Variants in RBM6 observed in about 807,000 individuals in gnomAD.
The protein encoded by RBM6 is RNA-binding protein 6.
A neutral mutation model predicts 140.4 loss-of-function variants in RBM6; 23 were observed. The observed-to-expected ratio is 0.16, with a 90% confidence interval of 0.12 to 0.23. The LOEUF (loss-of-function observed/expected upper bound fraction) is 0.23. RBM6 is among the 10% of genes least tolerant of loss of function. RBM6 has a pLI of 1.00. For synonymous variants in RBM6, 439 were observed against 475.6 expected (o/e 0.92, Z 1.00); for missense variants, 1,139 against 1,386.7 (o/e 0.82, Z 2.84).
chr3:50,058,315 T>C, intron 9 of RBM6, 87 bp from the exon 10 acceptor site: 1 of 1,419,258 alleles, frequency 7.0e-7, no homozygotes, highest in South Asian at 1.2e-5. Flanking sequence ...GCATCTATAG[T>C]AAAAAATGAC....
intron 2 of RBM6, among the ~76,000 whole-genome samples, chr3:49,966,082 T>C (rs758188549): frequency 6.0e-5 from 9 of 150,652 alleles, no homozygotes; most frequent in Non-Finnish European, 1.5e-5. Flanking sequence ...ACCGAGATCA[T>C]GCCATTGCAC....
chr3:50,020,491 T>C (rs1034872408), intron 6 of RBM6, among the ~76,000 whole-genome samples: 4 of 152,240 alleles, frequency 2.6e-5, no homozygotes, highest in African/African-American at 9.6e-5. Context: ...TTTTAATATA[T>C]GCATTCAGTG....
At chr3:49,944,411 G>A (rs2083402014) in intron 1 of RBM6, among the ~76,000 whole-genome samples, 1 of 150,856 alleles carries the variant, frequency 6.6e-6, no homozygotes, top group Non-Finnish European at 1.5e-5. Context: ...TGGACATTTG[G>A]GTTGTTTCCA....
chr3:50,006,412 A>T (rs1196834934), intron 6 of RBM6, among the ~76,000 whole-genome samples: 1 of 152,024 alleles, frequency 6.6e-6, no homozygotes, highest in Non-Finnish European at 1.5e-5. Context: ...CTGGGATTAC[A>T]CATGTGAGCC....
At chr3:50,008,424 G>A (rs978638689) in intron 6 of RBM6, among the ~76,000 whole-genome samples, 2 of 151,822 alleles carry the variant, frequency 1.3e-5, no homozygotes, top group South Asian at 4.2e-4. Flanking sequence ...CAAAGGCATA[G>A]TTCAGTTAGC....
Position 50,011,040 on chromosome 3 carries a change from C to G in RBM6, c.1557+11527C>G, listed in dbSNP as rs142643913. On this transcript the variant is annotated intron_variant, in intron 6 of 20. Coordinates refer to ENST00000266022, the MANE Select transcript of RBM6 (RefSeq NM_005777.3). Reference sequence around the variant, plus strand: ...CCAAAAAGATTGTCTATCAGTTTGTCAGGAAGTTAGAGTAAAATGGTCTTA... The same window carrying G: ...CCAAAAAGATTGTCTATCAGTTTGTGAGGAAGTTAGAGTAAAATGGTCTTA... Among the ~76,000 whole-genome samples the G allele has an allele frequency of 1.2e-4, 18 of 151,048 alleles. No homozygotes were observed. In the East Asian group the frequency reaches 2.3e-3, roughly 20 times the overall value.
At chr3:50,043,883 T>C (rs1410342649) in intron 6 of RBM6, among the ~76,000 whole-genome samples, 1 of 32,380 alleles carries the variant, frequency 3.1e-5, no homozygotes, top group African/African-American at 9.4e-5. Flanking sequence ...TGCCCAGCCT[T>C]TTTTTTTTTT....
chr3:50,054,332 C>A lies in RBM6; in HGVS notation c.1633-3C>A. 2 of 1,607,828 alleles carry A rather than the reference C, an allele frequency of 1.2e-6. No homozygotes were observed. Among genetic ancestry groups the A allele is most frequent in the Non-Finnish European group, 1.7e-6 (2 of 1,174,420 alleles). ...GTCAAATTGATTTCCTTCTTCCTTA[C>A]AGTGTAAGGCAAACATTGGTGGGCA... On this transcript the variant is annotated splice_region_variant and splice_polypyrimidine_tract_variant and intron_variant, in intron 7 of 20. Coordinates refer to ENST00000266022, the MANE Select transcript of RBM6 (RefSeq NM_005777.3).
chr3:49,989,957 C>T (rs1225708599), intron 5 of RBM6, among the ~76,000 whole-genome samples: 3 of 151,964 alleles, frequency 2.0e-5, no homozygotes, highest in Non-Finnish European at 2.9e-5. Context: ...ATGTTGGCCA[C>T]GCTGGTCTCG....
intron 6 of RBM6, among the ~76,000 whole-genome samples, chr3:50,011,837 T>G (rs2086863736): frequency 7.0e-6 from 1 of 143,594 alleles, no homozygotes; most frequent in African/African-American, 2.6e-5. Context: ...TTTCTTTTCT[T>G]TCTTTTTTTT....
chr3:49,958,294 G>A (rs1257435120), intron 1 of RBM6, among the ~76,000 whole-genome samples: 1 of 151,956 alleles, frequency 6.6e-6, no homozygotes, highest in African/African-American at 2.4e-5. Context: ...GGTGGCTCAC[G>A]CCTGTAATCC....
At chr3:50,069,507 CAAAAA>C (rs60210595) in intron 18 of RBM6, among the ~76,000 whole-genome samples, 1 of 107,434 alleles carries the variant, frequency 9.3e-6, no homozygotes, top group Non-Finnish European at 1.9e-5. Context: ...GACCTTGTCT[CAAAAA>C]AAAAAAAAAA....
At chr3:50,019,540 A>C (rs569569444) in intron 6 of RBM6, among the ~76,000 whole-genome samples, 1 of 151,296 alleles carries the variant, frequency 6.6e-6, no homozygotes, top group South Asian at 2.1e-4. Context: ...CTTCCTATAG[A>C]GATAGGGTCT....
intron 6 of RBM6, among the ~76,000 whole-genome samples, chr3:50,046,442 G>A (rs1490121755): frequency 1.3e-5 from 2 of 151,464 alleles, no homozygotes; most frequent in Non-Finnish European, 2.9e-5. Flanking sequence ...AGCCAAGCGT[G>A]GTGGCATATA....
At chr3:49,962,792 C>T in intron 2 of RBM6, 107 bp downstream of exon 2, 1 of 1,221,072 alleles carries the variant, frequency 8.2e-7, no homozygotes, top group Non-Finnish European at 1.1e-6. Context: ...GAAATAGTTT[C>T]TGATTTTTTA....
intron 6 of RBM6, among the ~76,000 whole-genome samples, chr3:50,011,341 G>A (rs937749460): frequency 7.2e-5 from 11 of 152,144 alleles, no homozygotes; most frequent in Non-Finnish European, 1.5e-4. Flanking sequence ...ATTTGAACTG[G>A]TTATGTAGTT....
At chr3:50,024,658 A>G (rs1011039567) in intron 6 of RBM6, among the ~76,000 whole-genome samples, 4 of 152,346 alleles carry the variant, frequency 2.6e-5, no homozygotes, top group South Asian at 2.1e-4. Context: ...ACCCGAATGA[A>G]AAAAACAGTT....
intron 7 of RBM6, among the ~76,000 whole-genome samples, chr3:50,052,627 C>G (rs1193230459): frequency 1.3e-5 from 2 of 152,222 alleles, no homozygotes; most frequent in Admixed American, 6.5e-5. Flanking sequence ...CACAGCAGCT[C>G]TCCTGTAGTA....
In RBM6 at chr3:49,994,239, G is replaced by GT. The variant is rs536690579; in HGVS notation, c.1484-5192dup. Among the ~76,000 whole-genome samples, 333 of 150,580 alleles carry GT rather than the reference G, an allele frequency of 2.2e-3. 2 individuals carry two copies. The highest frequency in any genetic ancestry group is 0.01 in the Middle Eastern group (3 of 294). ...CTCCCACACCTGGCTAATTTTTTCT[G>GT]TTTTTTTTTGTAGAGACAAGGTCTC... On this transcript the variant is annotated intron_variant, in intron 5 of 20. Coordinates refer to ENST00000266022, the MANE Select transcript of RBM6 (RefSeq NM_005777.3).
Sources: allele counts gnomAD v4.1 joint callset (sites outside exome capture counted in the v4.1 genomes callset), GRCh38; gene constraint gnomAD v4.1.1; transcripts MANE v1.5; gene names NCBI Gene and HGNC (gene_info 2026-07-23, HGNC 2026-07-21).